The following CFAP47 variants were observed in gnomAD, a reference collection of about 807,000 sequenced individuals.
The protein encoded by CFAP47 is cilia and flagella associated protein 47.
A neutral mutation model predicts 148.1 loss-of-function variants in CFAP47; 29 were observed. The observed-to-expected ratio is 0.20, with a 90% CI of 0.15 to 0.27. The LOEUF is 0.27. CFAP47 is among the 10% of genes least tolerant of loss of function. The pLI is 1.00. For synonymous variants in CFAP47, 664 were observed against 577.3 expected, an observed-to-expected ratio of 1.15 and a Z score of -2.15; for missense variants, 1,872 against 1,697.5, an observed-to-expected ratio of 1.10 and a Z score of -1.81.
At chrX:36,082,383 G>T (rs73470932) in intron 29 of CFAP47, among the ~76,000 whole-genome samples, 2,919 of 110,915 alleles carry the variant, frequency 0.026, 94 homozygotes, top group African/African-American at 0.091. Flanking sequence ...AAGTAGCCCT[G>T]GAAATAGACA....
chrX:36,000,057 A>T (rs1041443943), intron 19 of CFAP47, among the ~76,000 whole-genome samples: 1 of 111,378 alleles, frequency 9.0e-6, no homozygotes, highest in African/African-American at 3.3e-5. Context: ...ATACAGTTAC[A>T]ATATGGACAA....
intron 62 of CFAP47, among the ~76,000 whole-genome samples, chrX:36,369,556 C>T (rs1556020955): frequency 9.0e-6 from 1 of 111,069 alleles, no homozygotes; most frequent in Non-Finnish European, 1.9e-5. Flanking sequence ...GTTAAAATCA[C>T]ATGTTGGCCA....
At chrX:36,370,785 C>T (rs1941925240) in intron 62 of CFAP47, among the ~76,000 whole-genome samples, 1 of 111,113 alleles carries the variant, frequency 9.0e-6, no homozygotes, top group Non-Finnish European at 1.9e-5. Context: ...CAGGATTTGA[C>T]TGGTTCCTCA....
Position 35,966,553 on chromosome X carries a change from T to G in CFAP47, c.1411-12T>G, listed in dbSNP as rs200201007. ...AATTTATTATTGGTTACTTTTCATC[T>G]TTTTTTTTTAGGATGTGATGTGTTC... is the stretch of plus-strand genomic sequence containing the variant. On this transcript the variant is annotated splice_polypyrimidine_tract_variant and intron_variant, in intron 8 of 63. Transcript: ENST00000378653. 1.6e-4 allele frequency: 112 copies of G among 696,276 alleles called. No homozygotes were observed. In the East Asian group the frequency reaches 5.1e-3, roughly 32 times the overall value. 57.4% of individuals were successfully genotyped at this position (696,276 alleles called of 1,213,427 possible).
At chrX:36,146,414 GATTT>G (rs1195334348) in intron 36 of CFAP47, among the ~76,000 whole-genome samples, 1 of 111,362 alleles carries the variant, frequency 9.0e-6, no homozygotes. Flanking sequence ...AATAGAACAC[GATTT>G]ATTTTCTCAT....
intron 33 of CFAP47, among the ~76,000 whole-genome samples, chrX:36,132,346 C>G (rs1409678881): frequency 9.0e-6 from 1 of 111,700 alleles, no homozygotes; most frequent in Admixed American, 9.5e-5. Flanking sequence ...CTGGTTCTGT[C>G]TCCAAAAAAA....
intron 15 of CFAP47, among the ~76,000 whole-genome samples, chrX:35,984,955 C>G (rs779529565): frequency 9.0e-5 from 10 of 110,941 alleles, no homozygotes; most frequent in Non-Finnish European, 3.8e-5. Context: ...TCTGTTAGGT[C>G]CATTTGGTTA....
At chrX:35,941,904 C>G (rs1483956817) in intron 3 of CFAP47, among the ~76,000 whole-genome samples, 1 of 111,200 alleles carries the variant, frequency 9.0e-6, no homozygotes, top group African/African-American at 3.3e-5. Context: ...TAATGTCAAA[C>G]TCCCCAGAAG....
At chrX:36,145,384 A>C (rs1939218973) in intron 36 of CFAP47, 31 bp downstream of exon 36, 1 of 293,054 alleles carries the variant, frequency 3.4e-6, no homozygotes, top group African/African-American at 2.8e-5. Flanking sequence ...AAAATGTGTA[A>C]GGAGTTACAC....
In CFAP47 at chrX:36,071,942, C is replaced by G. The variant is rs751502548; in HGVS notation, c.4436C>G (p.Ala1479Gly). ...TACACCACTAGCAAATTCAATGATG[C>G]TGAACCTGCAAAGGGAAACTTATTT... is the stretch of plus-strand genomic sequence containing the variant. ...KTYTTSKFND[A>G]EPAKGNLFIG... Residue 1479 changes from alanine (A) to glycine (G), a missense_variant, in exon 28 of 64, where the codon GCT (alanine) becomes GGT (glycine). Physicochemically the swap from Ala to Gly is moderately conservative, Grantham distance 60. Transcript: ENST00000378653. 1 of 1,205,975 alleles carries G rather than the reference C, an allele frequency of 8.3e-7. No individual in the cohort carries two copies. Among genetic ancestry groups the G allele is most frequent in the Non-Finnish European group, 1.1e-6 (1 of 892,818 alleles).
chrX:36,176,724 T>A (rs1461231590), intron 39 of CFAP47, among the ~76,000 whole-genome samples: 1 of 111,113 alleles, frequency 9.0e-6, no homozygotes, highest in Non-Finnish European at 1.9e-5. Flanking sequence ...GCCAACATGG[T>A]GAAACTCAGT....
intron 22 of CFAP47, among the ~76,000 whole-genome samples, chrX:36,024,948 C>T (rs1937199523): frequency 9.0e-6 from 1 of 111,198 alleles, no homozygotes; most frequent in East Asian, 2.8e-4. Flanking sequence ...TTTTGCTGCA[C>T]TCATTCTCTC....
intron 15 of CFAP47, among the ~76,000 whole-genome samples, chrX:35,986,684 G>A (rs1185994046): frequency 9.0e-6 from 1 of 110,603 alleles, no homozygotes; most frequent in Non-Finnish European, 1.9e-5. Flanking sequence ...GAGGAGAAGA[G>A]GCATTCTGGT....
intron 33 of CFAP47, among the ~76,000 whole-genome samples, chrX:36,118,928 C>A (rs1845816845): frequency 2.7e-5 from 3 of 112,098 alleles, no homozygotes; most frequent in Admixed American, 1.9e-4. Context: ...ATTTTGTAGT[C>A]TGCAAGTTTA....
chrX:35,939,018 A>G (rs1177266848), intron 2 of CFAP47, among the ~76,000 whole-genome samples: 3 of 111,827 alleles, frequency 2.7e-5, no homozygotes, highest in South Asian at 3.7e-4. Flanking sequence ...GATGACATCT[A>G]TTTCTCCTTT....
chrX:36,177,966 C>A (rs780153643), intron 39 of CFAP47, among the ~76,000 whole-genome samples: 10 of 111,610 alleles, frequency 9.0e-5, no homozygotes, highest in Non-Finnish European at 1.5e-4. Context: ...ATAAAGAAAA[C>A]GTGGTACATA....
Position 36,159,580 on chromosome X carries a change from A to G in CFAP47, c.5937+4A>G. The G allele has an allele frequency of 3.4e-6, 1 of 297,326 alleles. No individual in the cohort carries two copies. Among genetic ancestry groups the G allele is most frequent in the Non-Finnish European group, 5.9e-6 (1 of 169,955 alleles). The allele number at this position is 297,326 out of a possible 1,213,427, so 24.5% of individuals were successfully genotyped here. On this transcript the variant is annotated splice_donor_region_variant and intron_variant, in intron 38 of 63. Transcript: ENST00000378653. ...AGTCCTCGATTTTAAAGCCATTGTA[A>G]GTAAATTTTACCTACGATGTCTTTG...
chrX:36,069,774 C>A (rs1172773354), intron 27 of CFAP47, among the ~76,000 whole-genome samples: 1 of 110,644 alleles, frequency 9.0e-6, no homozygotes, highest in African/African-American at 3.3e-5. Context: ...GCCTCAGCTC[C>A]CACACACTTT....
intron 49 of CFAP47, among the ~76,000 whole-genome samples, chrX:36,274,596 T>C (rs1940994105): frequency 9.0e-6 from 1 of 111,661 alleles, no homozygotes; most frequent in Non-Finnish European, 1.9e-5. Flanking sequence ...CATATGTAGG[T>C]TTATCTAAAT....
Sources: allele counts gnomAD v4.1 joint callset (sites outside exome capture counted in the v4.1 genomes callset), GRCh38; gene constraint gnomAD v4.1.1; transcripts MANE v1.5; gene names NCBI Gene and HGNC (gene_info 2026-07-23, HGNC 2026-07-21).